Variants in DOT1L observed in about 807,000 individuals in gnomAD.
DOT1L encodes the protein DOT1 like histone lysine methyltransferase.
DOT1L carries 33 observed loss-of-function variants against 153.3 expected under a neutral mutation model. The observed-to-expected ratio is 0.22, with a 90% CI of 0.16 to 0.29. DOT1L has a LOEUF of 0.29. Among genes scored for constraint, DOT1L ranks in the 10% least tolerant of loss-of-function variants. The probability of loss-of-function intolerance (pLI) is 1.00; values close to 1 mark genes in which losing one functional copy is unlikely to be tolerated. For synonymous variants in DOT1L, 1,135 were observed against 965.1 expected (o/e 1.18, Z -3.26); for missense variants, 1,847 against 2,119.9 (o/e 0.87, Z 2.53).
rs1470232929 is a variant in DOT1L, at chr19:2,231,681, GCT to G, written c.*1892_*1893del. The G allele has an allele frequency of 1.4e-5, 3 of 214,464 alleles. No homozygotes were observed. The East Asian group carries it at 2.1e-4, about 15-fold the overall frequency. 13.3% of individuals were successfully genotyped at this position (214,464 alleles called of 1,614,324 possible). A position where few individuals can be genotyped will look rare whatever the true frequency, so the allele number is the denominator to read the frequency against. ...GCCTGGCCTTCAGGACAGGCAGCCT[GCT>G]CTGTGTCGCCACGGGCCGGATACGC... On this transcript the variant is annotated 3_prime_UTR_variant, in exon 28 of 28. Transcript: ENST00000398665.
chr19:2,168,627 T>C (rs1445646261), intron 1 of DOT1L, among the ~76,000 whole-genome samples: 2 of 152,120 alleles, frequency 1.3e-5, no homozygotes, highest in Admixed American at 1.3e-4. Flanking sequence ...CATTTCTTAT[T>C]TTTTTGAGAG....
At chr19:2,213,306 A>T (rs907938692) in intron 16 of DOT1L, 1 of 467,592 alleles carries the variant, frequency 2.1e-6, no homozygotes, top group Non-Finnish European at 3.9e-6. Flanking sequence ...GTGGGGTGGC[A>T]GGTGCAGTCC....
At chr19:2,227,578 G>T (rs1340315258) in intron 27 of DOT1L, 2 of 825,238 alleles carry the variant, frequency 2.4e-6, no homozygotes, top group Admixed American at 3.6e-5. Context: ...GGCGGAGGGC[G>T]GGCCACCACG....
Position 2,208,783 on chromosome 19 carries a change from C to T in DOT1L, c.964-152C>T, listed in dbSNP as rs528243551. 1.3e-6 allele frequency: 1 copy of T among 764,510 alleles called. No individual in the cohort carries two copies. Among genetic ancestry groups the T allele is most frequent in the African/African-American group, 1.8e-5 (1 of 56,974 alleles). The allele number at this position is 764,510 out of a possible 1,614,324, so 47.4% of individuals were successfully genotyped here. On this transcript the variant is annotated intron_variant, in intron 11 of 27. Transcript: ENST00000398665. This position sits in a 1 kb window ranked among gnomAD's most constrained non-coding sequence, Gnocchi z 4.4. Reference sequence around the variant, plus strand: ...GGGTTAGTCACATCCGCGTTTGCCACTGGGGGGCTCTAGCTGCATGCCTGC... The same window carrying T: ...GGGTTAGTCACATCCGCGTTTGCCATTGGGGGGCTCTAGCTGCATGCCTGC...
intron 9 of DOT1L, among the ~76,000 whole-genome samples, chr19:2,205,083 G>A (rs1259541250): frequency 6.6e-6 from 1 of 151,856 alleles, no homozygotes; most frequent in South Asian, 2.1e-4. Flanking sequence ...CCATTCTCCC[G>A]CCTCAGCCTC....
chr19:2,221,852 A>G (rs897619458), intron 23 of DOT1L, 124 bp from the exon 24 acceptor site: 8 of 1,043,608 alleles, frequency 7.7e-6, no homozygotes, highest in African/African-American at 1.6e-5. Flanking sequence ...CAGACTCCCA[A>G]CCCCTTCCCC....
At chr19:2,209,534 C>T (rs553581393) in intron 12 of DOT1L, among the ~76,000 whole-genome samples, 4 of 152,322 alleles carry the variant, frequency 2.6e-5, no homozygotes, top group East Asian at 3.9e-4. Context: ...CCTGGGCCCC[C>T]GCGCCCTGCA....
rs538398755 is a variant in DOT1L at position 2,197,639 on chromosome 19, G to A, written c.652-2245G>A. 6.6e-6 allele frequency among the ~76,000 whole-genome samples: 1 copy of A among 152,326 alleles called. No individual in the cohort carries two copies. The highest frequency in any genetic ancestry group is 2.1e-4 in the South Asian group (1 of 4,832). On this transcript the variant is annotated intron_variant, in intron 7 of 27. Transcript: ENST00000398665. This position sits in a 1 kb window ranked among gnomAD's most constrained non-coding sequence, Gnocchi z 4.1. ...CTCCTGGCATGGAGCTGCGTTCGTGGTCTGGATTCCGTGCAGGTTTAGGTG... is the reference window on the plus strand; with the variant it reads ...CTCCTGGCATGGAGCTGCGTTCGTGATCTGGATTCCGTGCAGGTTTAGGTG...
chr19:2,187,149 C>T (rs1278457465), intron 3 of DOT1L, among the ~76,000 whole-genome samples: 1 of 152,222 alleles, frequency 6.6e-6, no homozygotes, highest in East Asian at 1.9e-4. Flanking sequence ...AAGTCGCTTC[C>T]TTACAACAGA....
chr19:2,177,259 T>C (rs1159618076), intron 1 of DOT1L, among the ~76,000 whole-genome samples: 1 of 152,010 alleles, frequency 6.6e-6, no homozygotes, highest in Non-Finnish European at 1.5e-5. Context: ...CCAGGTGTGC[T>C]GCACTCGCCC....
rs145106395 is a variant in DOT1L, at chr19:2,187,449, C to T, written c.200+1520C>T. 9.5e-3 allele frequency among the ~76,000 whole-genome samples: 1,444 copies of T among 152,278 alleles called. 12 individuals carry two copies. The highest frequency in any genetic ancestry group is 0.02 in the Middle Eastern group (6 of 294). Reference sequence around the variant, plus strand: ...AGGGACAGGCTGGGCAGGGGGTCTTCGTTGGAGCTGGCAGGGCCACCTGAG... The same window carrying T: ...AGGGACAGGCTGGGCAGGGGGTCTTTGTTGGAGCTGGCAGGGCCACCTGAG... On this transcript the variant is annotated intron_variant, in intron 3 of 27. Coordinates refer to ENST00000398665, the MANE Select transcript of DOT1L (RefSeq NM_032482.3).
At chr19:2,200,082 C>G (rs2023186853) in intron 8 of DOT1L, 143 bp downstream of exon 8, 2 of 1,099,310 alleles carry the variant, frequency 1.8e-6, no homozygotes, top group South Asian at 3.2e-5. Flanking sequence ...GGAAGGGCGC[C>G]TTTCCCTCAC....
At position 2,220,524 on chromosome 19, in the gene DOT1L, C is replaced by A. The variant is rs868482835; in HGVS notation, c.2806+302C>A. The A allele has an allele frequency of 7.7e-6, 4 of 518,266 alleles. No homozygotes were observed. Among genetic ancestry groups the A allele is most frequent in the South Asian group, 6.1e-5 (4 of 65,112 alleles). 32.1% of individuals were successfully genotyped at this position (518,266 alleles called of 1,614,324 possible). A position where few individuals can be genotyped will look rare whatever the true frequency, so the allele number is the denominator to read the frequency against. ...CAGTGCTCTCGGGGGCTCCTGTACT[C>A]ACAGCTGGGAGGCCCCTGACTCAGG... is the stretch of plus-strand genomic sequence containing the variant. On this transcript the variant is annotated intron_variant, in intron 23 of 27. Transcript: ENST00000398665. This position sits in a 1 kb window ranked among gnomAD's most constrained non-coding sequence, Gnocchi z 4.5.
rs902188119 is a variant in DOT1L at position 2,207,055 on chromosome 19, G to A, written c.856+258G>A. Reference sequence around the variant, plus strand: ...TGCCATGGGGGTAGAATCACTCCTCGGGGAGACCCCGGCTTCGAGGGGAGG... The same window carrying A: ...TGCCATGGGGGTAGAATCACTCCTCAGGGAGACCCCGGCTTCGAGGGGAGG... On this transcript the variant is annotated intron_variant, in intron 10 of 27. Transcript: ENST00000398665. This position sits in a 1 kb window ranked among gnomAD's most constrained non-coding sequence, Gnocchi z 4.5. Among the ~76,000 whole-genome samples, 3 of 152,178 alleles carry A rather than the reference G, an allele frequency of 2.0e-5. No individual in the cohort carries two copies. Among genetic ancestry groups the A allele is most frequent in the Non-Finnish European group, 4.4e-5 (3 of 68,032 alleles).
At chr19:2,187,517 C>T (rs1036449695) in intron 3 of DOT1L, among the ~76,000 whole-genome samples, 5 of 152,210 alleles carry the variant, frequency 3.3e-5, no homozygotes, top group Non-Finnish European at 7.3e-5. Flanking sequence ...AGCCCCAGCT[C>T]CTCTGAGCAC....
At chr19:2,187,789 G>GC (rs1830030919) in intron 3 of DOT1L, among the ~76,000 whole-genome samples, 1 of 152,156 alleles carries the variant, frequency 6.6e-6, no homozygotes, top group Non-Finnish European at 1.5e-5. Flanking sequence ...GGGCGTGGTG[G>GC]CGGGTGCCTG....
chr19:2,209,048 G>A (rs890382178), intron 12 of DOT1L, 72 bp downstream of exon 12: 36 of 1,544,758 alleles, frequency 2.3e-5, no homozygotes, highest in Middle Eastern at 1.7e-4. Context: ...AAAGCCGTGC[G>A]CAGCCGGGTT....
Position 2,222,389 on chromosome 19 carries a change from G to A in DOT1L, c.3220G>A (p.Asp1074Asn). The change falls in exon 24 of 28, where the codon GAC becomes AAC. Residue 1074 changes from aspartate (D) to asparagine (N), a missense_variant. Physicochemically the swap from Asp to Asn is conservative, Grantham distance 23. Coordinates refer to ENST00000398665, the MANE Select transcript of DOT1L (RefSeq NM_032482.3). This position sits in a 1 kb window ranked among gnomAD's most constrained non-coding sequence, Gnocchi z 6.5. Reference sequence around the variant, plus strand: ...CCCCCTGACCGCCAGCGCCCGTGGGGACTGTGTGCCGAGCCACGGGCAGGA... The same window carrying A: ...CCCCCTGACCGCCAGCGCCCGTGGGAACTGTGTGCCGAGCCACGGGCAGGA... ...HSPLTASARG[D>N]CVPSHGQDSR... 1 of 1,611,212 alleles carries A rather than the reference G, an allele frequency of 6.2e-7. No individual in the cohort carries two copies. Among genetic ancestry groups the A allele is most frequent in the Non-Finnish European group, 8.5e-7 (1 of 1,179,210 alleles).
At position 2,229,948 on chromosome 19, in the gene DOT1L, A is replaced by C; in HGVS notation, c.*156A>C. Reference sequence around the variant, plus strand: ...GTGAATCGGCGGCACGCGCCGCAGGAGGCTGGGACTGGTCCAGTTTGTACT... The same window carrying C: ...GTGAATCGGCGGCACGCGCCGCAGGCGGCTGGGACTGGTCCAGTTTGTACT... On this transcript the variant is annotated 3_prime_UTR_variant, in exon 28 of 28. Transcript: ENST00000398665. The C allele has an allele frequency of 7.8e-7, 1 of 1,274,338 alleles. No homozygotes were observed. Among genetic ancestry groups the C allele is most frequent in the Admixed American group, 1.9e-5 (1 of 53,528 alleles). The allele number at this position is 1,274,338 out of a possible 1,614,324, so 78.9% of individuals were successfully genotyped here. A position where few individuals can be genotyped will look rare whatever the true frequency, so the allele number is the denominator to read the frequency against.
Sources: allele counts gnomAD v4.1 joint callset (sites outside exome capture counted in the v4.1 genomes callset), GRCh38; gene constraint gnomAD v4.1.1; non-coding constraint Gnocchi (gnomAD v3.1); transcripts MANE v1.5; gene names NCBI Gene and HGNC (gene_info 2026-07-23, HGNC 2026-07-21).